Variants in RARB observed in about 807,000 individuals in gnomAD.
The protein encoded by RARB is retinoic acid receptor beta.
Under a neutral mutation model 51.9 loss-of-function variants are expected in RARB, and 17 were observed. The observed-to-expected ratio is 0.33, with a 90% CI of 0.22 to 0.49. The LOEUF is 0.49. RARB is among the 20% of genes least tolerant of loss of function. RARB has a pLI of 0.99. For missense variants in RARB, 369 were observed against 550.8 expected (o/e 0.67, Z 3.30); for synonymous variants, 215 against 195.4 (o/e 1.10, Z -0.84).
intron 4 of RARB, among the ~76,000 whole-genome samples, chr3:25,171,643 T>TAA (rs770248970): frequency 4.4e-5 from 2 of 45,470 alleles, no homozygotes; most frequent in Admixed American, 3.4e-4. Flanking sequence ...CCCTGGTTGG[T>TAA]AAAAAAAAAA....
chr3:25,543,363 C>G (rs890892433), intron 3 of RARB, among the ~76,000 whole-genome samples: 1 of 152,162 alleles, frequency 6.6e-6, no homozygotes, highest in African/African-American at 2.4e-5. Context: ...ACCTCGCTCC[C>G]CCCAACCAGT....
chr3:25,470,822 C>G (rs578158634), intron 2 of RARB, among the ~76,000 whole-genome samples: 2 of 151,318 alleles, frequency 1.3e-5, no homozygotes, highest in South Asian at 4.2e-4. Flanking sequence ...GTCATTATTA[C>G]CAAGTCATTA....
At chr3:25,074,125 A>C (rs1698824164) in intron 3 of RARB, among the ~76,000 whole-genome samples, 1 of 152,216 alleles carries the variant, frequency 6.6e-6, no homozygotes, top group South Asian at 2.1e-4. Context: ...TAAACCAGGG[A>C]TCAAATTAAA....
At chr3:24,900,445 A>C (rs1314262362) in intron 2 of RARB, among the ~76,000 whole-genome samples, 2 of 152,188 alleles carry the variant, frequency 1.3e-5, no homozygotes, top group African/African-American at 2.4e-5. Context: ...GAACCTTTGC[A>C]TTCATGAGTC....
chr3:25,260,918 C>G (rs1253955871), intron 5 of RARB, among the ~76,000 whole-genome samples: 1 of 152,070 alleles, frequency 6.6e-6, no homozygotes, highest in African/African-American at 2.4e-5. Flanking sequence ...GACAGCAAAG[C>G]TTAGTAGTTA....
chr3:25,565,934 G>A (rs917553847), intron 3 of RARB, among the ~76,000 whole-genome samples: 1 of 152,148 alleles, frequency 6.6e-6, no homozygotes, highest in Non-Finnish European at 1.5e-5. Flanking sequence ...GGTGGAGCTA[G>A]CACTAGTTCC....
intron 1 of RARB, among the ~76,000 whole-genome samples, chr3:24,846,482 G>A (rs1183740001): frequency 6.6e-6 from 1 of 152,202 alleles, no homozygotes; most frequent in Non-Finnish European, 1.5e-5. Context: ...GGTAGAAAAT[G>A]TGACATCAGC....
intron 5 of RARB, among the ~76,000 whole-genome samples, chr3:25,194,249 G>GAC (rs34275701): frequency 1.7e-3 from 1 of 592 alleles, no homozygotes; most frequent in African/African-American, 5.3e-3. Flanking sequence ...GGGTAGGAAG[G>GAC]AGAGAAGGTC....
intron 5 of RARB, among the ~76,000 whole-genome samples, chr3:25,211,075 G>C (rs1447370315): frequency 6.6e-6 from 1 of 152,156 alleles, no homozygotes; most frequent in Non-Finnish European, 1.5e-5. Flanking sequence ...ACAGCTCTCA[G>C]AGTCATGCCT....
In RARB at chr3:24,912,972, A is replaced by ATTGTT. The variant is rs71622787; in HGVS notation, c.-380+54222_-380+54223insGTTTT. ...GTGGCAATACGCACACAAGGTACTGATTCTTTTTTTTTTTTTTTTTTTTTT... is the reference window on the plus strand; with the variant it reads ...GTGGCAATACGCACACAAGGTACTGATTGTTTTCTTTTTTTTTTTTTTTTTTTTTT... On this transcript the variant is annotated intron_variant, in intron 2 of 11. Transcript: ENST00000383772. Among the ~76,000 whole-genome samples, 13 of 57,654 alleles carry ATTGTT rather than the reference A, an allele frequency of 2.3e-4. 1 individual carries two copies. In the East Asian group the frequency reaches 5.9e-3, roughly 26 times the overall value. The allele number at this position is 57,654 out of a possible 152,430, so 37.8% of individuals were successfully genotyped here.
intron 2 of RARB, among the ~76,000 whole-genome samples, chr3:25,003,550 G>T (rs1171326728): frequency 6.6e-6 from 1 of 151,700 alleles, no homozygotes; most frequent in African/African-American, 2.4e-5. Context: ...GTTTTAATAG[G>T]TACAACTACT....
exon 1 of RARB, among the ~76,000 whole-genome samples, chr3:24,829,369 G>A (rs2125324954): frequency 6.6e-6 from 1 of 152,126 alleles, no homozygotes. Context: ...GCCAGCGGGC[G>A]GCGCGCCGCG....
chr3:25,205,959 C>A (rs952741406), intron 5 of RARB, among the ~76,000 whole-genome samples: 2 of 152,064 alleles, frequency 1.3e-5, no homozygotes, highest in Non-Finnish European at 2.9e-5. Flanking sequence ...GGCTTTATGT[C>A]AGATGATTTG....
chr3:24,933,743 G>A (rs1695489820), intron 2 of RARB, among the ~76,000 whole-genome samples: 1 of 152,074 alleles, frequency 6.6e-6, no homozygotes, highest in Admixed American at 6.6e-5. Flanking sequence ...GAAAAATAAA[G>A]CAAAATATCA....
intron 2 of RARB, among the ~76,000 whole-genome samples, chr3:25,477,561 C>CAA (rs1696013804): frequency 1.3e-5 from 2 of 152,242 alleles, no homozygotes; most frequent in African/African-American, 4.8e-5. Flanking sequence ...ACTACAAGTA[C>CAA]TTGCATACTG....
At chr3:25,100,851 G>A (rs531872751) in intron 3 of RARB, among the ~76,000 whole-genome samples, 1 of 152,270 alleles carries the variant, frequency 6.6e-6, no homozygotes, top group African/African-American at 2.4e-5. Flanking sequence ...TAGGGAAATG[G>A]GAAGTAGAGG....
chr3:25,018,591 A>C (rs1191531361), intron 2 of RARB, among the ~76,000 whole-genome samples: 1 of 152,186 alleles, frequency 6.6e-6, no homozygotes, highest in East Asian at 1.9e-4. Flanking sequence ...TGACTCCTAG[A>C]TCTTGAAACC....
intron 5 of RARB, among the ~76,000 whole-genome samples, chr3:25,219,617 G>T (rs1204052459): frequency 6.6e-6 from 1 of 152,128 alleles, no homozygotes; most frequent in Non-Finnish European, 1.5e-5. Flanking sequence ...GCCGCATGCT[G>T]CCCTCCCCAC....
In RARB at chr3:25,556,883, T is replaced by TA. The variant is rs1418838183; in HGVS notation, c.449-12874dup. ...AAACTGGTCTGTGACAGTTGGCAAT[T>TA]ATGAGTTTGAATTTCCATAATGGAT... is the stretch of plus-strand genomic sequence containing the variant. On this transcript the variant is annotated intron_variant, in intron 3 of 7. Coordinates refer to ENST00000330688, the MANE Select transcript of RARB (RefSeq NM_000965.5). Among the ~76,000 whole-genome samples the TA allele has an allele frequency of 3.9e-5, 6 of 152,342 alleles. No homozygotes were observed. In the East Asian group the frequency reaches 1.2e-3, roughly 29 times the overall value.
Sources: allele counts gnomAD v4.1 joint callset (sites outside exome capture counted in the v4.1 genomes callset), GRCh38; gene constraint gnomAD v4.1.1; transcripts MANE v1.5; gene names NCBI Gene and HGNC (gene_info 2026-07-23, HGNC 2026-07-21).